ADARB2: variants seen among roughly 807,000 people sequenced by gnomAD.
The protein encoded by ADARB2 is inactive double-stranded RNA-specific editase B2.
ADARB2 carries 25 observed loss-of-function variants against 62.2 expected under a neutral mutation model. That is an observed-to-expected ratio of 0.40 (90% confidence interval 0.29 to 0.56). ADARB2 has a LOEUF of 0.56. Ranked by LOEUF, ADARB2 falls within the 20% of genes least tolerant of loss-of-function variation. The probability of loss-of-function intolerance (pLI) is 0.43; values close to 1 mark genes in which losing one functional copy is unlikely to be tolerated. For missense variants in ADARB2, 1,071 were observed against 1,077.4 expected, an observed-to-expected ratio of 0.99 and a Z score of 0.08; for synonymous variants, 572 against 500.8, an observed-to-expected ratio of 1.14 and a Z score of -1.90.
At chr10:1,395,640 G>A (rs974893047) in intron 1 of ADARB2, among the ~76,000 whole-genome samples, 1 of 152,196 alleles carries the variant, frequency 6.6e-6, no homozygotes, top group African/African-American at 2.4e-5. Flanking sequence ...CTGAGTGCTG[G>A]ACCTCCCTAT....
chr10:1,351,707 C>G (rs571023706), intron 3 of ADARB2, among the ~76,000 whole-genome samples: 3 of 152,034 alleles, frequency 2.0e-5, no homozygotes, highest in Non-Finnish European at 2.9e-5. Flanking sequence ...ACCGTTACCC[C>G]ACTCAATGCC....
At chr10:1,471,395 T>C (rs1388775055) in intron 1 of ADARB2, among the ~76,000 whole-genome samples, 4 of 142,850 alleles carry the variant, frequency 2.8e-5, no homozygotes, top group East Asian at 2.0e-4. Flanking sequence ...CTTTGTACAA[T>C]TTTTTTTTTT....
chr10:1,362,946 G>A (rs1005074248), intron 3 of ADARB2, 82 bp downstream of exon 3: 2 of 1,204,686 alleles, frequency 1.7e-6, no homozygotes, highest in Non-Finnish European at 2.1e-6. Flanking sequence ...AAGCCTGGAC[G>A]CCACTCCCAA....
At chr10:1,483,743 C>A (rs1023867498) in intron 1 of ADARB2, among the ~76,000 whole-genome samples, 1 of 66,130 alleles carries the variant, frequency 1.5e-5, no homozygotes, top group African/African-American at 6.9e-5. Context: ...AAAGACAGCA[C>A]CTGCAGGAGA....
intron 1 of ADARB2, among the ~76,000 whole-genome samples, chr10:1,659,575 C>T (rs1164558573): frequency 3.9e-5 from 6 of 152,236 alleles, no homozygotes; most frequent in East Asian, 1.9e-4. Context: ...AGCTGCAGAA[C>T]GATGAGGCTG....
At chr10:1,382,712 T>C (rs1188448857) in intron 1 of ADARB2, among the ~76,000 whole-genome samples, 2 of 152,026 alleles carry the variant, frequency 1.3e-5, no homozygotes, top group African/African-American at 4.8e-5. Flanking sequence ...CATACTTTTT[T>C]TTTTTTTTTG....
chr10:1,590,056 C>T lies in ADARB2; in HGVS notation c.100+146995G>A, dbSNP rs569656158. ...ATGGGCCTGAGAGAGTGTCCAGGCC[C>T]CTGTGGGCTGTGTGAGGTTGGCCTG... On this transcript the variant is annotated intron_variant, in intron 1 of 9. Coordinates refer to ENST00000381312, the MANE Select transcript of ADARB2 (RefSeq NM_018702.4). Among the ~76,000 whole-genome samples the T allele has an allele frequency of 1.9e-3, 294 of 152,276 alleles. 1 individual carries two copies. Among genetic ancestry groups the T allele is most frequent in the Non-Finnish European group, 2.9e-3 (200 of 68,024 alleles).
chr10:1,373,796 ACC>A (rs1832396185), intron 2 of ADARB2, among the ~76,000 whole-genome samples: 1 of 81,670 alleles, frequency 1.2e-5, no homozygotes, highest in African/African-American at 3.9e-5. Context: ...GACTCCGCGC[ACC>A]TTTCCTAGTG....
chr10:1,572,986 T>C (rs1469109856), intron 1 of ADARB2, among the ~76,000 whole-genome samples: 4 of 152,258 alleles, frequency 2.6e-5, no homozygotes, highest in African/African-American at 9.6e-5. Context: ...CGAGTGCTCA[T>C]TTACATGGCC....
intron 1 of ADARB2, among the ~76,000 whole-genome samples, chr10:1,629,132 TC>T (rs1266099396): frequency 1.3e-5 from 2 of 152,224 alleles, no homozygotes; most frequent in African/African-American, 4.8e-5. Flanking sequence ...AGTAACATGT[TC>T]CTTGGAAGTT....
chr10:1,486,255 C>T (rs576010001), intron 1 of ADARB2, among the ~76,000 whole-genome samples: 1 of 144,744 alleles, frequency 6.9e-6, no homozygotes, highest in East Asian at 2.1e-4. Flanking sequence ...TGTTGTTAAG[C>T]ACATCTCAGA....
At chr10:1,467,258 A>G (rs2131913979) in intron 1 of ADARB2, among the ~76,000 whole-genome samples, 1 of 152,332 alleles carries the variant, frequency 6.6e-6, no homozygotes, top group African/African-American at 2.4e-5. Context: ...CACAAGATTC[A>G]GGGAGATCAT....
intron 1 of ADARB2, among the ~76,000 whole-genome samples, chr10:1,422,512 G>A (rs1832860343): frequency 6.6e-6 from 1 of 152,158 alleles, no homozygotes; most frequent in Admixed American, 6.5e-5. Context: ...CCCTGTGGCT[G>A]AGCTGACGGC....
At chr10:1,578,516 C>T (rs547997375) in intron 1 of ADARB2, among the ~76,000 whole-genome samples, 2 of 152,292 alleles carry the variant, frequency 1.3e-5, no homozygotes, top group South Asian at 2.1e-4. Flanking sequence ...AAAGGCAGCC[C>T]CGCCTGTGAG....
At chr10:1,589,935 G>C (rs1833230628) in intron 1 of ADARB2, among the ~76,000 whole-genome samples, 1 of 152,228 alleles carries the variant, frequency 6.6e-6, no homozygotes, top group African/African-American at 2.4e-5. Context: ...GCCTCCCAAA[G>C]TGTCAAGTGG....
chr10:1,264,244 T>G (rs1831171660), intron 4 of ADARB2, among the ~76,000 whole-genome samples: 1 of 152,230 alleles, frequency 6.6e-6, no homozygotes, highest in Non-Finnish European at 1.5e-5. Flanking sequence ...TTCATTTGTT[T>G]CAGCTTATCT....
chr10:1,212,907 A>G (rs10903407), intron 7 of ADARB2, among the ~76,000 whole-genome samples: 90,972 of 120,716 alleles, frequency 0.75, 34,111 homozygotes, highest in African/African-American at 0.85. Context: ...AGCGGCACTG[A>G]TGAGCCCTTG....
chr10:1,486,328 T>A (rs1831542403), intron 1 of ADARB2, among the ~76,000 whole-genome samples: 1 of 152,072 alleles, frequency 6.6e-6, no homozygotes, highest in Admixed American at 6.6e-5. Flanking sequence ...ATAGAATTCT[T>A]AATTATTGCA....
intron 1 of ADARB2, among the ~76,000 whole-genome samples, chr10:1,596,698 C>T (rs531879001): frequency 4.6e-5 from 7 of 152,270 alleles, no homozygotes; most frequent in South Asian, 4.2e-4. Context: ...CGGTGTCACC[C>T]GGCCATGAGC....
Sources: gnomAD v4.1 joint callset for allele counts (sites outside exome capture counted in the v4.1 genomes callset) on GRCh38, gnomAD v4.1.1 for gene constraint, MANE v1.5 for transcripts, NCBI Gene and HGNC (gene_info 2026-07-23, HGNC 2026-07-21) for gene names.